FBXL17: variants seen among roughly 807,000 people sequenced by gnomAD.
FBXL17 encodes the protein F-box/LRR-repeat protein 17.
A neutral mutation model predicts 66.2 loss-of-function variants in FBXL17; 22 were observed. The observed-to-expected ratio is 0.33, with a 90% confidence interval of 0.24 to 0.47. The LOEUF is 0.47. Among genes scored for constraint, FBXL17 ranks in the 20% least tolerant of loss-of-function variants. The probability of loss-of-function intolerance (pLI) is 1.00; values close to 1 mark genes in which losing one functional copy is unlikely to be tolerated. For missense variants in FBXL17, 878 were observed against 948.2 expected (o/e 0.93, Z 0.97); for synonymous variants, 474 against 400.5 (o/e 1.18, Z -2.19).
intron 7 of FBXL17, among the ~76,000 whole-genome samples, chr5:108,010,289 GA>G (rs1266724946): frequency 1.3e-5 from 2 of 152,164 alleles, no homozygotes; most frequent in Non-Finnish European, 2.9e-5. Context: ...AACAAAATCA[GA>G]AGGTAATACC....
chr5:108,344,898 C>T (rs763178896), intron 4 of FBXL17, among the ~76,000 whole-genome samples: 4 of 152,226 alleles, frequency 2.6e-5, no homozygotes, highest in Non-Finnish European at 4.4e-5. Flanking sequence ...TAGACCCTCA[C>T]TACAGCTATA....
intron 5 of FBXL17, among the ~76,000 whole-genome samples, chr5:108,207,577 G>C (rs1007295780): frequency 6.6e-6 from 1 of 152,088 alleles, no homozygotes; most frequent in African/African-American, 2.4e-5. Context: ...AGAACATGCA[G>C]TGATTGGTTT....
chr5:108,309,692 C>T (rs1469957420), intron 4 of FBXL17, among the ~76,000 whole-genome samples: 1 of 151,892 alleles, frequency 6.6e-6, no homozygotes, highest in Admixed American at 6.6e-5. Flanking sequence ...ATACAACTTA[C>T]ATTTACACAG....
chr5:107,940,419 G>GTC (rs888460046), intron 7 of FBXL17, among the ~76,000 whole-genome samples: 25 of 152,218 alleles, frequency 1.6e-4, no homozygotes, highest in Admixed American at 8.5e-4. Flanking sequence ...ATGCAAGGTG[G>GTC]TCAGCATGCA....
intron 7 of FBXL17, among the ~76,000 whole-genome samples, chr5:107,995,133 T>G (rs181401573): frequency 1.3e-5 from 2 of 152,084 alleles, no homozygotes; most frequent in Non-Finnish European, 2.9e-5. Context: ...TTTACATCAA[T>G]AAAAAGATTT....
intron 7 of FBXL17, among the ~76,000 whole-genome samples, chr5:107,991,261 G>C (rs1753234859): frequency 6.6e-6 from 1 of 152,202 alleles, no homozygotes; most frequent in African/African-American, 2.4e-5. Context: ...AAGTTTGGAG[G>C]AAACTGAGGA....
chr5:108,136,010 T>C (rs1751119658), intron 6 of FBXL17, among the ~76,000 whole-genome samples: 1 of 152,148 alleles, frequency 6.6e-6, no homozygotes, highest in African/African-American at 2.4e-5. Flanking sequence ...GCAACAATGG[T>C]TGCTGTTTCA....
In FBXL17 at chr5:108,043,009, A is replaced by G. The variant is rs1022279446; in HGVS notation, c.1746-22008T>C. Among the ~76,000 whole-genome samples the G allele has an allele frequency of 2.6e-5, 4 of 152,160 alleles. No individual in the cohort carries two copies. In the South Asian group the frequency reaches 8.3e-4, roughly 32 times the overall value. ...ACAGTGAACATCTTTTCAAGTACTT[A>G]ATTTTTGTTCATCTGTATATCATCA... On this transcript the variant is annotated intron_variant, in intron 6 of 8. Transcript: ENST00000542267.
At chr5:108,351,667 G>C (rs1006031034) in intron 3 of FBXL17, among the ~76,000 whole-genome samples, 1 of 152,158 alleles carries the variant, frequency 6.6e-6, no homozygotes, top group Non-Finnish European at 1.5e-5. Flanking sequence ...GATTTTCTGA[G>C]TGCTAAAGCT....
At chr5:108,294,196 G>A (rs934471478) in intron 4 of FBXL17, among the ~76,000 whole-genome samples, 2 of 144,318 alleles carry the variant, frequency 1.4e-5, no homozygotes, top group Non-Finnish European at 3.0e-5. Context: ...CATATCAACA[G>A]TATTTTGAAA....
chr5:108,335,358 G>A (rs1238591330), intron 4 of FBXL17, among the ~76,000 whole-genome samples: 9 of 140,542 alleles, frequency 6.4e-5, no homozygotes, highest in Non-Finnish European at 1.1e-4. Context: ...AAAAAAATAC[G>A]TTTTTTTTTT....
intron 3 of FBXL17, among the ~76,000 whole-genome samples, chr5:108,361,592 C>T (rs1228200661): frequency 6.6e-6 from 1 of 152,036 alleles, no homozygotes; most frequent in African/African-American, 2.4e-5. Flanking sequence ...AATTTCAAAA[C>T]AAAAACAAAA....
At chr5:108,199,785 G>A (rs1753816541) in intron 5 of FBXL17, among the ~76,000 whole-genome samples, 1 of 152,178 alleles carries the variant, frequency 6.6e-6, no homozygotes, top group Non-Finnish European at 1.5e-5. Context: ...AAAGGAAGAT[G>A]TGTTGGTCAA....
At chr5:108,217,697 A>G (rs1441895820) in intron 5 of FBXL17, among the ~76,000 whole-genome samples, 1 of 152,194 alleles carries the variant, frequency 6.6e-6, no homozygotes, top group Admixed American at 6.5e-5. Flanking sequence ...TCTATAGTCT[A>G]TGATGTACTA....
At chr5:108,215,528 T>C (rs1379755941) in intron 5 of FBXL17, among the ~76,000 whole-genome samples, 1 of 152,130 alleles carries the variant, frequency 6.6e-6, no homozygotes, top group African/African-American at 2.4e-5. Flanking sequence ...TCTGGAGAAA[T>C]ATCTATTCAA....
chr5:107,998,671 G>A, intron 7 of FBXL17, among the ~76,000 whole-genome samples: 1 of 152,012 alleles, frequency 6.6e-6, no homozygotes, highest in East Asian at 1.9e-4. Flanking sequence ...AGGTCAGAAA[G>A]TCAAAAGCAA....
chr5:107,897,456 C>T (rs572820697), intron 7 of FBXL17, among the ~76,000 whole-genome samples: 1 of 152,048 alleles, frequency 6.6e-6, no homozygotes, highest in South Asian at 2.1e-4. Context: ...AATGACAACC[C>T]TTTTTCTGGA....
chr5:107,878,197 A>AG lies in FBXL17; in HGVS notation c.1965+2839_1965+2840insC, dbSNP rs1256699296. 3.2e-6 allele frequency: 3 copies of AG among 942,340 alleles called. No homozygotes were observed. The African/African-American group carries it at 5.3e-5, about 17-fold the overall frequency. The allele number at this position is 942,340 out of a possible 1,614,324, so 58.4% of individuals were successfully genotyped here. On this transcript the variant is annotated intron_variant, in intron 8 of 8. Coordinates refer to ENST00000542267, the MANE Select transcript of FBXL17 (RefSeq NM_001163315.3). ...ATCTTAATTTTAAATTTAGGTGAGG[A>AG]AAAAGCACAAAGGCAAAGCATTCTC...
intron 4 of FBXL17, among the ~76,000 whole-genome samples, chr5:108,311,197 G>A (rs1273418970): frequency 2.0e-5 from 3 of 151,510 alleles, no homozygotes; most frequent in Admixed American, 1.3e-4. Flanking sequence ...CTGAGATGGA[G>A]TCTCGCCGTT....
Sources: gnomAD v4.1 joint callset for allele counts (sites outside exome capture counted in the v4.1 genomes callset) on GRCh38, gnomAD v4.1.1 for gene constraint, MANE v1.5 for transcripts, NCBI Gene and HGNC (gene_info 2026-07-23, HGNC 2026-07-21) for gene names.